PCDH15: variants seen among roughly 807,000 people sequenced by gnomAD.
PCDH15 encodes protocadherin related 15.
PCDH15 carries 129 observed loss-of-function variants against 178.5 expected under a neutral mutation model. That is an observed-to-expected ratio of 0.72 (90% confidence interval 0.63 to 0.84). The LOEUF is 0.84. PCDH15 is among the 40% of genes least tolerant of loss of function. The probability of loss-of-function intolerance (pLI) is 0.00; values close to 1 mark genes in which losing one functional copy is unlikely to be tolerated. For synonymous variants in PCDH15, 800 were observed against 732.0 expected, an observed-to-expected ratio of 1.09 and a Z score of -1.50; for missense variants, 2,230 against 2,099.9, an observed-to-expected ratio of 1.06 and a Z score of -1.21.
intron 2 of PCDH15, among the ~76,000 whole-genome samples, chr10:55,577,599 G>T (rs543645920): frequency 6.6e-6 from 1 of 151,876 alleles, no homozygotes; most frequent in Non-Finnish European, 1.5e-5. Flanking sequence ...ATATAAAAAC[G>T]AAAAACACTG....
chr10:55,341,756 C>A (rs1203515702), intron 2 of PCDH15, among the ~76,000 whole-genome samples: 1 of 76,940 alleles, frequency 1.3e-5, no homozygotes, highest in Admixed American at 1.5e-4. Flanking sequence ...TATATACATA[C>A]ATATGCATAT....
At chr10:54,561,422 T>G (rs11004384) in intron 2 of PCDH15, among the ~76,000 whole-genome samples, 44,045 of 151,994 alleles carry the variant, frequency 0.29, 6,518 homozygotes, top group Admixed American at 0.37. Flanking sequence ...TTTTCAAACA[T>G]TTGGTGGGAA....
At chr10:55,151,832 T>C (rs1271882574) in intron 2 of PCDH15, among the ~76,000 whole-genome samples, 1 of 152,110 alleles carries the variant, frequency 6.6e-6, no homozygotes, top group Non-Finnish European at 1.5e-5. Flanking sequence ...TCAAAGATTT[T>C]AGGATTTAGT....
At chr10:54,758,546 A>C (rs1947459464) in intron 1 of PCDH15, among the ~76,000 whole-genome samples, 1 of 152,240 alleles carries the variant, frequency 6.6e-6, no homozygotes, top group South Asian at 2.1e-4. Flanking sequence ...CTATATACAC[A>C]ATATGTATAT....
chr10:55,617,718 C>A (rs1843507796), intron 2 of PCDH15, among the ~76,000 whole-genome samples: 1 of 152,006 alleles, frequency 6.6e-6, no homozygotes, highest in African/African-American at 2.4e-5. Context: ...AATTATCTGT[C>A]TGAAAATGAT....
At chr10:54,767,515 A>C (rs1948652413) in intron 1 of PCDH15, among the ~76,000 whole-genome samples, 1 of 152,144 alleles carries the variant, frequency 6.6e-6, no homozygotes, top group Non-Finnish European at 1.5e-5. Context: ...TGGTGTAAGA[A>C]ACTTCTTTCC....
At chr10:54,948,147 T>C (rs1207011129) in intron 2 of PCDH15, among the ~76,000 whole-genome samples, 2 of 151,992 alleles carry the variant, frequency 1.3e-5, no homozygotes, top group African/African-American at 4.8e-5. Context: ...AACCAGGATG[T>C]AGCATATGCA....
intron 2 of PCDH15, among the ~76,000 whole-genome samples, chr10:55,400,948 T>G (rs1434002950): frequency 2.0e-5 from 3 of 152,198 alleles, no homozygotes; most frequent in Non-Finnish European, 4.4e-5. Context: ...GGAGATAAGA[T>G]GGAGTTCTGT....
At chr10:54,049,418 G>A (rs535550154) in intron 18 of PCDH15, among the ~76,000 whole-genome samples, 1 of 152,264 alleles carries the variant, frequency 6.6e-6, no homozygotes, top group African/African-American at 2.4e-5. Flanking sequence ...AATAGGAGGG[G>A]TTAGAGTAGG....
rs1463933150 is a variant in PCDH15 at position 53,900,238 on chromosome 10, CCT to C, written c.3501+3003_3501+3004del. 8.3e-4 allele frequency among the ~76,000 whole-genome samples: 122 copies of C among 146,964 alleles called. No homozygotes were observed. The East Asian group carries it at 8.8e-3, about 11-fold the overall frequency. The stretch of plus-strand genomic sequence containing the variant: ...CTCTCTCTCTCTCTCTCTCTCCCCC[CCT>C]CTCTCTGTCTGTCTCTCTCTCCCCT... On this transcript the variant is annotated intron_variant, in intron 26 of 37. Transcript: ENST00000644397.
intron 13 of PCDH15, among the ~76,000 whole-genome samples, chr10:54,174,706 T>TTTTTTTTTTTTTTTTTTTTTTTTTTTTTA (rs2047264171): frequency 7.7e-6 from 1 of 130,032 alleles, no homozygotes; most frequent in Non-Finnish European, 1.6e-5. Flanking sequence ...TCTTTTCTTT[T>TTTTTTTTTTTTTTTTTTTTTTTTTTTTTA]TTTTTTTTTT....
intron 2 of PCDH15, among the ~76,000 whole-genome samples, chr10:55,540,001 C>A (rs557518936): frequency 6.6e-6 from 1 of 152,060 alleles, no homozygotes; most frequent in African/African-American, 2.4e-5. Flanking sequence ...GATAATATAC[C>A]TATGTAATTG....
intron 1 of PCDH15, among the ~76,000 whole-genome samples, chr10:55,196,278 T>C (rs1197108920): frequency 6.6e-6 from 1 of 152,082 alleles, no homozygotes; most frequent in East Asian, 1.9e-4. Context: ...GGTAACATAG[T>C]ATTACCTCAA....
At chr10:54,681,322 C>CA (rs1456613718) in intron 1 of PCDH15, among the ~76,000 whole-genome samples, 1 of 151,996 alleles carries the variant, frequency 6.6e-6, no homozygotes, top group Non-Finnish European at 1.5e-5. Flanking sequence ...TCAGGGTAGA[C>CA]AAAAAATTGC....
intron 1 of PCDH15, among the ~76,000 whole-genome samples, chr10:54,677,291 G>T (rs1196175092): frequency 6.6e-6 from 1 of 152,128 alleles, no homozygotes; most frequent in Non-Finnish European, 1.5e-5. Context: ...GATGGGGGAG[G>T]ATGGTTTGAG....
intron 1 of PCDH15, among the ~76,000 whole-genome samples, chr10:55,290,776 G>T (rs1373033878): frequency 6.6e-6 from 1 of 151,472 alleles, no homozygotes; most frequent in Non-Finnish European, 1.5e-5. Context: ...AATTAGCCAT[G>T]GAAATGAAAA....
intron 2 of PCDH15, among the ~76,000 whole-genome samples, chr10:55,073,449 A>C (rs1841802681): frequency 6.6e-6 from 1 of 152,210 alleles, no homozygotes; most frequent in Non-Finnish European, 1.5e-5. Context: ...ATTCTTATAC[A>C]CCAATAACAG....
At chr10:54,052,472 T>C (rs2093798276) in intron 18 of PCDH15, among the ~76,000 whole-genome samples, 1 of 152,218 alleles carries the variant, frequency 6.6e-6, no homozygotes, top group Non-Finnish European at 1.5e-5. Flanking sequence ...GATTTTGGAC[T>C]TGCATTGGGC....
intron 16 of PCDH15, among the ~76,000 whole-genome samples, chr10:54,081,579 G>T (rs920744385): frequency 1.6e-4 from 25 of 152,074 alleles, no homozygotes; most frequent in African/African-American, 5.8e-4. Context: ...GTGTATTTTG[G>T]GATTCATAGC....
Sources: gnomAD v4.1 joint callset for allele counts (sites outside exome capture counted in the v4.1 genomes callset) on GRCh38, gnomAD v4.1.1 for gene constraint, MANE v1.5 for transcripts, NCBI Gene and HGNC (gene_info 2026-07-23, HGNC 2026-07-21) for gene names.